Variants in MAP2K5 observed in about 807,000 individuals in gnomAD.
The protein encoded by MAP2K5 is dual specificity mitogen-activated protein kinase kinase 5.
In MAP2K5, 49 loss-of-function variants were observed where a neutral mutation model predicts 83.1. That is an observed-to-expected ratio of 0.59 (90% CI 0.47 to 0.75). The LOEUF is 0.75. MAP2K5 is among the 30% of genes least tolerant of loss of function. The pLI is 0.00. For missense variants in MAP2K5, 457 were observed against 557.5 expected (o/e 0.82, Z 1.82); for synonymous variants, 202 against 191.8 (o/e 1.05, Z -0.44).
Position 67,757,331 on chromosome 15 carries a change from C to T in MAP2K5, c.1134+8730C>T, listed in dbSNP as rs1167323254. ...ATTTGCAAATCAGATTATGTCTTCC[C>T]ATTGATTCAATAGTTGATGTTCACA... On this transcript the variant is annotated intron_variant, in intron 19 of 21. Transcript: ENST00000178640. The surrounding 1 kb of genome is among the most constrained non-coding windows in gnomAD (Gnocchi z 4.9). 6.6e-6 allele frequency among the ~76,000 whole-genome samples: 1 copy of T among 152,114 alleles called. No homozygotes were observed. Among genetic ancestry groups the T allele is most frequent in the Non-Finnish European group, 1.5e-5 (1 of 68,018 alleles).
chr15:67,554,411 A>G (rs2084583008), intron 2 of MAP2K5, among the ~76,000 whole-genome samples: 1 of 152,198 alleles, frequency 6.6e-6, no homozygotes, highest in South Asian at 2.1e-4. Flanking sequence ...TTGATATCTT[A>G]TATAAAAGAA....
Position 67,790,172 on chromosome 15 carries a change from G to A in MAP2K5, c.1243-16474G>A, listed in dbSNP as rs1045614622. Among the ~76,000 whole-genome samples the A allele has an allele frequency of 5.9e-5, 9 of 152,318 alleles. No individual in the cohort carries two copies. The highest frequency in any genetic ancestry group is 1.3e-4 in the Admixed American group (2 of 15,300). ...GATTGAACTTCCTTTAAAGCAGCCT[G>A]TAGACATCAGGAATATTTATTTTTT... On this transcript the variant is annotated intron_variant, in intron 21 of 21. Coordinates refer to ENST00000178640, the MANE Select transcript of MAP2K5 (RefSeq NM_145160.3). This position sits in a 1 kb window ranked among gnomAD's most constrained non-coding sequence, Gnocchi z 4.6.
intron 11 of MAP2K5, among the ~76,000 whole-genome samples, chr15:67,658,050 T>C (rs994465786): frequency 5.9e-5 from 9 of 152,104 alleles, no homozygotes; most frequent in African/African-American, 9.6e-5. Context: ...TCAATTTGAC[T>C]CTTAAAGAAA....
At chr15:67,619,141 G>A (rs755462968) in intron 8 of MAP2K5, among the ~76,000 whole-genome samples, 1 of 151,994 alleles carries the variant, frequency 6.6e-6, no homozygotes, top group Non-Finnish European at 1.5e-5. Flanking sequence ...TCCTCTACCT[G>A]GAATCCCCTT....
intron 17 of MAP2K5, among the ~76,000 whole-genome samples, chr15:67,742,100 T>C (rs1195387856): frequency 6.6e-6 from 1 of 152,124 alleles, no homozygotes; most frequent in Non-Finnish European, 1.5e-5. Context: ...TTTACCATGT[T>C]AGCCAGGATG....
At chr15:67,679,367 C>T (rs2141181304) in intron 13 of MAP2K5, among the ~76,000 whole-genome samples, 1 of 152,240 alleles carries the variant, frequency 6.6e-6, no homozygotes, top group Middle Eastern at 3.4e-3. Flanking sequence ...CCAATTTCCA[C>T]AGTCAATTTG....
chr15:67,665,342 C>A lies in MAP2K5; in HGVS notation c.847+697C>A, dbSNP rs893107432. Among the ~76,000 whole-genome samples the A allele has an allele frequency of 6.6e-6, 1 of 151,954 alleles. No individual in the cohort carries two copies. The highest frequency in any genetic ancestry group is 2.4e-5 in the African/African-American group (1 of 41,350). The stretch of plus-strand genomic sequence containing the variant: ...CCAAAATATCTGAATTCATTTGGAG[C>A]AAATTATTAAGTGAGAAAGAGACTA... On this transcript the variant is annotated intron_variant, in intron 13 of 21. Transcript: ENST00000178640. This position sits in a 1 kb window ranked among gnomAD's most constrained non-coding sequence, Gnocchi z 4.2.
chr15:67,665,017 G>C lies in MAP2K5; in HGVS notation c.847+372G>C, dbSNP rs970661905. 2.6e-5 allele frequency among the ~76,000 whole-genome samples: 4 copies of C among 152,064 alleles called. No individual in the cohort carries two copies. Among genetic ancestry groups the C allele is most frequent in the Admixed American group, 6.6e-5 (1 of 15,260 alleles). On this transcript the variant is annotated intron_variant, in intron 13 of 21. Coordinates refer to ENST00000178640, the MANE Select transcript of MAP2K5 (RefSeq NM_145160.3). The surrounding 1 kb of genome is among the most constrained non-coding windows in gnomAD (Gnocchi z 4.2). Reference sequence around the variant, plus strand: ...GATAGCATCACACACTGTTCCTTAAGAGATTGCTTCACATACTGGAAAGAA... The same window carrying C: ...GATAGCATCACACACTGTTCCTTAACAGATTGCTTCACATACTGGAAAGAA...
chr15:67,633,573 G>T (rs897404913), intron 9 of MAP2K5, among the ~76,000 whole-genome samples: 3 of 152,224 alleles, frequency 2.0e-5, no homozygotes, highest in Admixed American at 2.0e-4. Flanking sequence ...TAGCTGTTAG[G>T]AAAGTAGAGA....
At chr15:67,806,511 C>T in intron 21 of MAP2K5, 135 bp from the exon 22 acceptor site, 1 of 728,846 alleles carries the variant, frequency 1.4e-6, no homozygotes, top group Non-Finnish European at 2.2e-6. Flanking sequence ...TGAAATGGAG[C>T]TGATAGCCTC....
In MAP2K5 at chr15:67,580,718, A is replaced by G. The variant is rs750716508; in HGVS notation, c.253-36A>G. ...TAAGTGTCTGTTCCAGTATTCATAC[A>G]TTACTGAGTGATCTCTTTCTATAAT... On this transcript the variant is annotated intron_variant, in intron 3 of 21. Transcript: ENST00000178640. The G allele has an allele frequency of 3.7e-5, 48 of 1,311,304 alleles. 1 individual carries two copies. The East Asian group carries it at 1.1e-3, about 29-fold the overall frequency. The allele number at this position is 1,311,304 out of a possible 1,614,324, so 81.2% of individuals were successfully genotyped here.
chr15:67,580,888 T>C (rs915367806), intron 4 of MAP2K5, 65 bp downstream of exon 4: 4 of 1,066,322 alleles, frequency 3.8e-6, no homozygotes, highest in African/African-American at 3.1e-5. Flanking sequence ...AACAGTTATG[T>C]TTCCAAAGGT....
At chr15:67,607,786 G>A (rs909703506) in intron 8 of MAP2K5, among the ~76,000 whole-genome samples, 1 of 152,010 alleles carries the variant, frequency 6.6e-6, no homozygotes, top group Admixed American at 6.6e-5. Flanking sequence ...TTGGAAAAGG[G>A]TATCTTGGTT....
rs533395210 is a variant in MAP2K5 at position 67,561,419 on chromosome 15, G to A, written c.185-1864G>A. On this transcript the variant is annotated intron_variant, in intron 2 of 21. Transcript: ENST00000178640. This position sits in a 1 kb window ranked among gnomAD's most constrained non-coding sequence, Gnocchi z 4.2. The stretch of plus-strand genomic sequence containing the variant: ...GCTCTAGAGATTCTATATCTAAAGC[G>A]AATGAAAGAATCTTTATGTGTGTAA... Among the ~76,000 whole-genome samples the A allele has an allele frequency of 5.9e-5, 9 of 152,262 alleles. No individual in the cohort carries two copies. The South Asian group carries it at 1.0e-3, about 18-fold the overall frequency.
At chr15:67,766,463 T>C (rs1206708032) in intron 19 of MAP2K5, among the ~76,000 whole-genome samples, 1 of 152,222 alleles carries the variant, frequency 6.6e-6, no homozygotes, top group Non-Finnish European at 1.5e-5. Flanking sequence ...TTTTGAAATA[T>C]ATTTCTCCAT....
At position 67,698,377 on chromosome 15, in the gene MAP2K5, G is replaced by A. The variant is rs189085604; in HGVS notation, c.972+4809G>A. 1.3e-4 allele frequency among the ~76,000 whole-genome samples: 20 copies of A among 152,056 alleles called. No homozygotes were observed. Among genetic ancestry groups the A allele is most frequent in the African/African-American group, 4.8e-4 (20 of 41,468 alleles). On this transcript the variant is annotated intron_variant, in intron 15 of 21. Coordinates refer to ENST00000178640, the MANE Select transcript of MAP2K5 (RefSeq NM_145160.3). The surrounding 1 kb of genome is among the most constrained non-coding windows in gnomAD (Gnocchi z 4.5). Reference sequence around the variant, plus strand: ...TAATTTTTGTATTTTTAGTAGAGATGGGGGGTTGCGCCATGTTGGCCATGC... The same window carrying A: ...TAATTTTTGTATTTTTAGTAGAGATAGGGGGTTGCGCCATGTTGGCCATGC...
rs571540755 is a variant in MAP2K5, at chr15:67,781,248, T to C, written c.1242+8496T>C. ...ACACACCGATAAATAGATGCAGTTC[T>C]TATCAATTATTAACCAGTCTAACCA... On this transcript the variant is annotated intron_variant, in intron 21 of 21. Transcript: ENST00000178640. This position sits in a 1 kb window ranked among gnomAD's most constrained non-coding sequence, Gnocchi z 4.0. 6.6e-6 allele frequency among the ~76,000 whole-genome samples: 1 copy of C among 152,376 alleles called. No homozygotes were observed. The highest frequency in any genetic ancestry group is 2.1e-4 in the South Asian group (1 of 4,832).
At position 67,782,010 on chromosome 15, in the gene MAP2K5, C is replaced by T. The variant is rs2090335973; in HGVS notation, c.1242+9258C>T. ...ACAGTAACTTTATTTGGCTGGACTG[C>T]TTTAGCCTCTTGTTCAGATTTTTCC... On this transcript the variant is annotated intron_variant, in intron 21 of 21. Transcript: ENST00000178640. The surrounding 1 kb of genome is among the most constrained non-coding windows in gnomAD (Gnocchi z 4.9). Among the ~76,000 whole-genome samples the T allele has an allele frequency of 6.6e-6, 1 of 152,202 alleles. No homozygotes were observed. The highest frequency in any genetic ancestry group is 2.4e-5 in the African/African-American group (1 of 41,442).
rs1334605247 is a variant in MAP2K5, at chr15:67,702,323, C to G, written c.973-1014C>G. ...GTATAGAAATTCTTTAATAAATGCA[C>G]ACATAATTGTGTTGTTGATGATAGT... On this transcript the variant is annotated intron_variant, in intron 15 of 21. Coordinates refer to ENST00000178640, the MANE Select transcript of MAP2K5 (RefSeq NM_145160.3). The surrounding 1 kb of genome is among the most constrained non-coding windows in gnomAD (Gnocchi z 4.6). 6.6e-6 allele frequency among the ~76,000 whole-genome samples: 1 copy of G among 152,158 alleles called. No homozygotes were observed. The highest frequency in any genetic ancestry group is 2.4e-5 in the African/African-American group (1 of 41,426).
Sources: allele counts gnomAD v4.1 joint callset (sites outside exome capture counted in the v4.1 genomes callset), GRCh38; gene constraint gnomAD v4.1.1; non-coding constraint Gnocchi (gnomAD v3.1); transcripts MANE v1.5; gene names NCBI Gene and HGNC (gene_info 2026-07-23, HGNC 2026-07-21).